CFAP46: variants seen among roughly 807,000 people sequenced by gnomAD.
The protein encoded by CFAP46 is cilia- and flagella-associated protein 46.
Under a neutral mutation model 325.7 loss-of-function variants are expected in CFAP46, and 245 were observed. The ratio of observed to expected loss-of-function variants is 0.75; its 90% CI spans 0.68 to 0.84. The LOEUF (loss-of-function observed/expected upper bound fraction) is 0.84. Among genes scored for constraint, CFAP46 ranks in the 40% least tolerant of loss-of-function variants. The pLI, the probability that CFAP46 is intolerant of heterozygous loss-of-function variation, is 0.00. For missense variants in CFAP46, 3,346 were observed against 3,543.0 expected (o/e 0.94, Z 1.41); for synonymous variants, 1,523 against 1,495.9 (o/e 1.02, Z -0.42).
At chr10:132,849,817 G>A (rs888962504) in intron 41 of CFAP46, among the ~76,000 whole-genome samples, 2 of 152,172 alleles carry the variant, frequency 1.3e-5, no homozygotes, top group African/African-American at 4.8e-5. Context: ...GGGCCACGGC[G>A]CCCGGTGCTC....
intron 8 of CFAP46, 37 bp from the exon 9 acceptor site, chr10:132,929,841 G>C (rs1481954172): frequency 6.6e-7 from 1 of 1,509,196 alleles, no homozygotes; most frequent in African/African-American, 1.4e-5. Flanking sequence ...CGGCTCAATA[G>C]GGGGCACAGG....
chr10:132,837,373 G>A (rs11146536), intron 44 of CFAP46, among the ~76,000 whole-genome samples: 13,046 of 152,066 alleles, frequency 0.086, 579 homozygotes, highest in Non-Finnish European at 0.098. Flanking sequence ...AGACAGGCAC[G>A]GACACACACA....
At chr10:132,871,953 T>G (rs2135312353) in intron 32 of CFAP46, among the ~76,000 whole-genome samples, 1 of 152,370 alleles carries the variant, frequency 6.6e-6, no homozygotes, top group Non-Finnish European at 1.5e-5. Context: ...GCAAATTTTA[T>G]TGTTGTCTTA....
At chr10:132,902,590 T>C (rs932655327) in intron 22 of CFAP46, among the ~76,000 whole-genome samples, 1 of 152,276 alleles carries the variant, frequency 6.6e-6, no homozygotes, top group Admixed American at 6.5e-5. Context: ...ACTCCTCATC[T>C]GCTCATGTCA....
chr10:132,867,879 C>T (rs1189878685), intron 33 of CFAP46, among the ~76,000 whole-genome samples: 3 of 152,228 alleles, frequency 2.0e-5, no homozygotes, highest in East Asian at 1.9e-4. Context: ...GCTCCCCGCT[C>T]GGCCTTCCCA....
chr10:132,845,948 G>A (rs11146542), intron 44 of CFAP46, 109 bp downstream of exon 44: 112,761 of 1,213,840 alleles, frequency 0.093, 5,517 homozygotes, highest in Middle Eastern at 0.11. Context: ...CTCATGAGCT[G>A]GGGGGTGAGC....
chr10:132,810,293 C>G (rs1405053650), intron 57 of CFAP46, 116 bp downstream of exon 57: 2 of 860,700 alleles, frequency 2.3e-6, no homozygotes, highest in South Asian at 2.8e-5. Context: ...AGTCCCAGGT[C>G]CCCCACGGAG....
rs1387786430 is a variant in CFAP46, at chr10:132,814,172, C to A, written c.7368G>T (p.Leu2456=). 1 of 1,613,880 alleles carries A rather than the reference C, an allele frequency of 6.2e-7. No homozygotes were observed. Among genetic ancestry groups the A allele is most frequent in the Middle Eastern group, 1.6e-4 (1 of 6,062 alleles). The stretch of plus-strand genomic sequence containing the variant: ...CGAACCTGGGAAAGTGCTTGCTTCC[C>A]AGATGTCCCGCCCATCGCGACGTGA... ...DTFTSRWAGH[L]GSKHFPSQAQ... Residue 2456 remains leucine (L), a synonymous_variant, in exon 54 of 58, where the codon CTG becomes CTT. Transcript: ENST00000368586.
chr10:132,872,839 AACAC>A lies in CFAP46; in HGVS notation c.4363-19_4363-16del. ...AAACTGTATGTCTACATGGACACATAACACACACAGGAGGTCACAGGAGCGGGTG... is the reference window on the plus strand; with the variant it reads ...AAACTGTATGTCTACATGGACACATAACACAGGAGGTCACAGGAGCGGGTG... On this transcript the variant is annotated splice_polypyrimidine_tract_variant and intron_variant, in intron 31 of 57. Transcript: ENST00000368586. 2 of 1,550,968 alleles carry A rather than the reference AACAC, an allele frequency of 1.3e-6. No homozygotes were observed. The highest frequency in any genetic ancestry group is 1.2e-5 in the South Asian group (1 of 84,066).
chr10:132,835,168 G>T (rs1848219466), intron 47 of CFAP46, 136 bp downstream of exon 47: 2 of 1,209,242 alleles, frequency 1.7e-6, no homozygotes, highest in Non-Finnish European at 2.2e-6. Flanking sequence ...GCAGTGCCCG[G>T]GTGTTGGGAT....
intron 26 of CFAP46, 72 bp downstream of exon 26, chr10:132,885,749 G>A (rs1849115919): frequency 6.2e-6 from 9 of 1,457,478 alleles, no homozygotes; most frequent in African/African-American, 1.5e-5. Context: ...GGTGTGGGGA[G>A]CACTCACAGG....
At chr10:132,898,790 G>A (rs888827204) in intron 24 of CFAP46, 169 bp downstream of exon 24, 19 of 880,330 alleles carry the variant, frequency 2.2e-5, no homozygotes, top group Non-Finnish European at 3.1e-5. Context: ...CCCCCGCAGT[G>A]CTGGGACTTG....
chr10:132,934,759 C>T lies in CFAP46; in HGVS notation c.859G>A (p.Glu287Lys). 6.3e-7 allele frequency: 1 copy of T among 1,594,714 alleles called. No individual in the cohort carries two copies. The highest frequency in any genetic ancestry group is 8.6e-7 in the Non-Finnish European group (1 of 1,163,826). Residue 287 changes from glutamate to lysine, a missense_variant, in exon 8 of 58, where the codon GAA (glutamate) becomes AAA (lysine). Transcript: ENST00000368586. ...AAAAATACAAACACTTACTTTTCTT[C>T]ACTGATAGAGGGAAAGCGCTGGTGG... is the stretch of plus-strand genomic sequence containing the variant. Reference protein sequence around the residue: ...YNHQRFPSISEEKMLLLFELA... With the variant: ...YNHQRFPSISKEKMLLLFELA...
At chr10:132,823,528 C>A (rs1343193517) in intron 50 of CFAP46, among the ~76,000 whole-genome samples, 1 of 82,102 alleles carries the variant, frequency 1.2e-5, no homozygotes, top group South Asian at 6.0e-4. Flanking sequence ...GCTGTGTGTG[C>A]TGTGTGCGCT....
Position 132,857,770 on chromosome 10 carries a change from C to T in CFAP46, c.5394G>A (p.Glu1798=), listed in dbSNP as rs1416141629. Residue 1798 remains glutamate, a synonymous_variant, in exon 39 of 58, where the codon GAG becomes GAA. Coordinates refer to ENST00000368586, the MANE Select transcript of CFAP46 (RefSeq NM_001200049.3). ...AKIKRLRAQN[E]KDEEQKTAYY... ...ACGCAGTTTTTTGTTCTTCATCTTT[C>T]TCGTTCTGGGCACGTAACCTTTATA... 1 of 1,561,024 alleles carries T rather than the reference C, an allele frequency of 6.4e-7. No homozygotes were observed. Among genetic ancestry groups the T allele is most frequent in the African/African-American group, 1.4e-5 (1 of 73,056 alleles).
At chr10:132,923,401 G>A (rs1219700822) in intron 11 of CFAP46, among the ~76,000 whole-genome samples, 2 of 137,842 alleles carry the variant, frequency 1.5e-5, no homozygotes, top group African/African-American at 5.6e-5. Flanking sequence ...CCATGTGGGG[G>A]TGCCCTGGAA....
At chr10:132,833,714 C>T (rs1336383727) in intron 49 of CFAP46, among the ~76,000 whole-genome samples, 189 bp from the exon 50 acceptor site, 1 of 152,264 alleles carries the variant, frequency 6.6e-6, no homozygotes, top group East Asian at 1.9e-4. Context: ...ACGCCTGTCC[C>T]TCCACACGAT....
At chr10:132,900,385 G>A (rs567211541) in intron 22 of CFAP46, among the ~76,000 whole-genome samples, 18 of 152,358 alleles carry the variant, frequency 1.2e-4, no homozygotes, top group African/African-American at 3.8e-4. Flanking sequence ...GGGCTGCAAC[G>A]CCACACACAC....
At chr10:132,823,015 T>TGA (rs1437772724) in intron 50 of CFAP46, among the ~76,000 whole-genome samples, 1 of 141,764 alleles carries the variant, frequency 7.1e-6, no homozygotes, top group Non-Finnish European at 1.5e-5. Flanking sequence ...GTGTGCTGTG[T>TGA]GTGCTGTGTG....
Sources: gnomAD v4.1 joint callset for allele counts (sites outside exome capture counted in the v4.1 genomes callset) on GRCh38, gnomAD v4.1.1 for gene constraint, MANE v1.5 for transcripts, NCBI Gene and HGNC (gene_info 2026-07-23, HGNC 2026-07-21) for gene names.